MMS22L: variants seen among roughly 807,000 people sequenced by gnomAD.
The protein encoded by MMS22L is MMS22 like, DNA repair protein.
Under a neutral mutation model 159.1 loss-of-function variants are expected in MMS22L, and 74 were observed. That is an observed-to-expected ratio of 0.47 (90% CI 0.39 to 0.56). The LOEUF is 0.56. Among genes scored for constraint, MMS22L ranks in the 20% least tolerant of loss-of-function variants. MMS22L has a pLI of 0.00. For missense variants in MMS22L, 1,351 were observed against 1,422.1 expected, an observed-to-expected ratio of 0.95 and a Z score of 0.80; for synonymous variants, 517 against 506.9, an observed-to-expected ratio of 1.02 and a Z score of -0.27.
intron 11 of MMS22L, among the ~76,000 whole-genome samples, chr6:97,244,968 A>C (rs942794547): frequency 4.6e-5 from 7 of 152,032 alleles, no homozygotes; most frequent in Non-Finnish European, 8.8e-5. Context: ...AGGTCTCCAG[A>C]GAAGTGGGGG....
intron 18 of MMS22L, among the ~76,000 whole-genome samples, chr6:97,176,684 G>T (rs1804154658): frequency 6.6e-6 from 1 of 152,128 alleles, no homozygotes; most frequent in Non-Finnish European, 1.5e-5. Flanking sequence ...GAGTCACTAA[G>T]GAACTTCCCT....
At chr6:97,193,704 T>C (rs939901785) in intron 14 of MMS22L, among the ~76,000 whole-genome samples, 1 of 152,216 alleles carries the variant, frequency 6.6e-6, no homozygotes, top group Non-Finnish European at 1.5e-5. Context: ...ATTTACTATT[T>C]GTTTTTAATT....
chr6:97,262,657 CAAAA>C (rs71012591), intron 9 of MMS22L, among the ~76,000 whole-genome samples: 2 of 106,108 alleles, frequency 1.9e-5, no homozygotes, highest in South Asian at 3.4e-4. Flanking sequence ...AAGACTGCCT[CAAAA>C]AAAAAAAAAA....
At chr6:97,169,748 C>A (rs1221033392) in intron 19 of MMS22L, among the ~76,000 whole-genome samples, 1 of 152,078 alleles carries the variant, frequency 6.6e-6, no homozygotes, top group African/African-American at 2.4e-5. Flanking sequence ...AACTTATATT[C>A]TAAAAACATT....
At chr6:97,170,443 T>C (rs1053031757) in intron 19 of MMS22L, among the ~76,000 whole-genome samples, 1 of 141,396 alleles carries the variant, frequency 7.1e-6, no homozygotes, top group African/African-American at 2.8e-5. Context: ...ATACATACAG[T>C]ACCTTTGTAA....
chr6:97,282,242 C>A, intron 2 of MMS22L, 72 bp downstream of exon 2: 1 of 1,492,988 alleles, frequency 6.7e-7, no homozygotes, highest in South Asian at 1.3e-5. Context: ...GTTTAATGGG[C>A]TGAAATAACT....
intron 10 of MMS22L, among the ~76,000 whole-genome samples, chr6:97,251,416 C>T (rs970227129): frequency 6.6e-6 from 1 of 152,176 alleles, no homozygotes; most frequent in Non-Finnish European, 1.5e-5. Flanking sequence ...AAATGCAGCA[C>T]ATATTTTACC....
At chr6:97,209,944 C>A (rs1370845157) in intron 14 of MMS22L, among the ~76,000 whole-genome samples, 2 of 151,842 alleles carry the variant, frequency 1.3e-5, no homozygotes, top group African/African-American at 4.8e-5. Context: ...GTGTAAATCA[C>A]ATTTCCATTT....
intron 14 of MMS22L, among the ~76,000 whole-genome samples, chr6:97,210,183 C>T (rs1808225698): frequency 6.6e-6 from 1 of 151,758 alleles, no homozygotes; most frequent in African/African-American, 2.4e-5. Flanking sequence ...TCCTAAAAAT[C>T]TTATATATCC....
intron 4 of MMS22L, among the ~76,000 whole-genome samples, chr6:97,275,453 G>T (rs988765204): frequency 1.3e-5 from 2 of 152,168 alleles, no homozygotes; most frequent in Admixed American, 6.5e-5. Flanking sequence ...CTTGAACCAG[G>T]GAGTCAGAGG....
At chr6:97,176,946 T>C (rs1401839660) in intron 18 of MMS22L, among the ~76,000 whole-genome samples, 2 of 152,120 alleles carry the variant, frequency 1.3e-5, no homozygotes, top group Non-Finnish European at 2.9e-5. Flanking sequence ...CTGACACAAC[T>C]TAAAAATGAA....
intron 12 of MMS22L, 141 bp downstream of exon 12, chr6:97,233,720 C>A (rs1264628834): frequency 8.1e-6 from 6 of 739,538 alleles, no homozygotes; most frequent in Non-Finnish European, 1.2e-5. Flanking sequence ...AAACTATTCA[C>A]GAGCTACTCC....
At chr6:97,227,488 A>C (rs1281275060) in intron 14 of MMS22L, among the ~76,000 whole-genome samples, 1 of 152,212 alleles carries the variant, frequency 6.6e-6, no homozygotes, top group Non-Finnish European at 1.5e-5. Context: ...TAATTTTCCC[A>C]AGAAGCACAG....
chr6:97,255,508 C>T (rs1813703845), intron 9 of MMS22L, among the ~76,000 whole-genome samples: 1 of 151,766 alleles, frequency 6.6e-6, no homozygotes, highest in Non-Finnish European at 1.5e-5. Context: ...AATTTCATTC[C>T]TTTTACCTTC....
intron 14 of MMS22L, among the ~76,000 whole-genome samples, chr6:97,204,579 C>T (rs1383868564): frequency 6.6e-6 from 1 of 152,038 alleles, no homozygotes; most frequent in Non-Finnish European, 1.5e-5. Flanking sequence ...ATCACTTGAG[C>T]CCAGGAGTTC....
chr6:97,179,656 C>T lies in MMS22L; in HGVS notation c.2385-97G>A, dbSNP rs1804501474. Reference sequence around the variant, plus strand: ...AAAACATTCTAACATCCCTGCAACTCCTTGGCCTCATTGATTTTTCAGACA... The same window carrying T: ...AAAACATTCTAACATCCCTGCAACTTCTTGGCCTCATTGATTTTTCAGACA... On this transcript the variant is annotated intron_variant, in intron 16 of 24. Transcript: ENST00000683635. 4.8e-6 allele frequency: 5 copies of T among 1,039,682 alleles called. No homozygotes were observed. The African/African-American group carries it at 6.6e-5, about 14-fold the overall frequency. The allele number at this position is 1,039,682 out of a possible 1,614,324, so 64.4% of individuals were successfully genotyped here.
chr6:97,145,044 A>C lies in MMS22L; in HGVS notation c.*1762T>G, dbSNP rs1250895094. The C allele has an allele frequency of 2.2e-5, 3 of 135,290 alleles. No individual in the cohort carries two copies. Among genetic ancestry groups the C allele is most frequent in the African/African-American group, 3.3e-5 (1 of 30,670 alleles). 8.4% of individuals were successfully genotyped at this position (135,290 alleles called of 1,614,324 possible). ...AAAACCCACACACACACACACACAC[A>C]CACACACACACACACACACACAAAA... On this transcript the variant is annotated 3_prime_UTR_variant, in exon 25 of 25. Transcript: ENST00000683635.
chr6:97,158,163 A>T (rs559868678), intron 22 of MMS22L, among the ~76,000 whole-genome samples: 3 of 151,994 alleles, frequency 2.0e-5, no homozygotes, highest in Non-Finnish European at 4.4e-5. Context: ...ATCGGTGGTG[A>T]TAACCCCTTT....
At chr6:97,182,838 G>A (rs1804855890) in intron 15 of MMS22L, among the ~76,000 whole-genome samples, 1 of 151,904 alleles carries the variant, frequency 6.6e-6, no homozygotes, top group East Asian at 1.9e-4. Context: ...ATATCATCAG[G>A]TTATATCAGT....
Sources: allele counts gnomAD v4.1 joint callset (sites outside exome capture counted in the v4.1 genomes callset), GRCh38; gene constraint gnomAD v4.1.1; transcripts MANE v1.5; gene names NCBI Gene and HGNC (gene_info 2026-07-23, HGNC 2026-07-21).